DNAJC6: variants seen among roughly 807,000 people sequenced by gnomAD.
DNAJC6 encodes the protein auxilin.
DNAJC6 carries 34 observed loss-of-function variants against 110.0 expected under a neutral mutation model. The observed-to-expected ratio is 0.31, with a 90% CI of 0.24 to 0.41. The LOEUF is 0.41. Among genes scored for constraint, DNAJC6 ranks in the 10% least tolerant of loss-of-function variants. The probability of loss-of-function intolerance (pLI) is 1.00; values close to 1 mark genes in which losing one functional copy is unlikely to be tolerated. For synonymous variants in DNAJC6, 406 were observed against 437.2 expected, an observed-to-expected ratio of 0.93 and a Z score of 0.89; for missense variants, 1,031 against 1,207.8, an observed-to-expected ratio of 0.85 and a Z score of 2.17.
chr1:65,348,249 C>A (rs1301830967), intron 1 of DNAJC6, among the ~76,000 whole-genome samples: 3 of 152,120 alleles, frequency 2.0e-5, no homozygotes, highest in South Asian at 2.1e-4. Context: ...TTATTTTATG[C>A]CCCAGCATAT....
chr1:65,388,714 C>T (rs1054232800), intron 9 of DNAJC6, among the ~76,000 whole-genome samples: 1 of 152,138 alleles, frequency 6.6e-6, no homozygotes, highest in Admixed American at 6.5e-5. Context: ...TCTGTGTATC[C>T]CCTTGTGTTT....
chr1:65,323,600 C>G (rs1209920340), intron 1 of DNAJC6, among the ~76,000 whole-genome samples: 1 of 152,022 alleles, frequency 6.6e-6, no homozygotes, highest in Non-Finnish European at 1.5e-5. Context: ...CCTTTGTTTT[C>G]TTTTCTTTTT....
chr1:65,268,385 A>ATCAAC, intron 1 of DNAJC6, among the ~76,000 whole-genome samples: 1 of 152,256 alleles, frequency 6.6e-6, no homozygotes, highest in African/African-American at 2.4e-5. Context: ...AAAAGAAAAT[A>ATCAAC]GTTGAGTGAG....
intron 15 of DNAJC6, among the ~76,000 whole-genome samples, chr1:65,402,373 C>T (rs796739369): frequency 8.5e-5 from 13 of 152,280 alleles, no homozygotes; most frequent in African/African-American, 2.6e-4. Context: ...ACTCAAGTAT[C>T]GTATTTCCAG....
exon 1 of DNAJC6, chr1:65,264,917 G>T (rs369238276): frequency 6.2e-7 from 1 of 1,613,240 alleles, no homozygotes; most frequent in African/African-American, 1.3e-5. Flanking sequence ...GAGAATGAAA[G>T]ATTCTGAAAA....
At position 65,407,840 on chromosome 1, in the gene DNAJC6, A is replaced by G. The variant is rs551760175; in HGVS notation, c.2492-801A>G. On this transcript the variant is annotated intron_variant, in intron 16 of 18. Coordinates refer to ENST00000371069, the MANE Select transcript of DNAJC6 (RefSeq NM_001256864.2). ...GTATGTCTTACAGTATAGAGATAGC[A>G]AATGGTTTTCAACTCAAAAACTGAT... Among the ~76,000 whole-genome samples the G allele has an allele frequency of 2.0e-5, 3 of 152,362 alleles. No individual in the cohort carries two copies. In the South Asian group the frequency reaches 6.2e-4, roughly 32 times the overall value.
At chr1:65,389,796 AG>A (rs1645908521) in intron 11 of DNAJC6, among the ~76,000 whole-genome samples, 169 bp downstream of exon 11, 1 of 152,192 alleles carries the variant, frequency 6.6e-6, no homozygotes, top group Non-Finnish European at 1.5e-5. Context: ...CAGGATAGGA[AG>A]GCCAGGAGTT....
Position 65,385,958 on chromosome 1 carries a change from A to G in DNAJC6, c.995+52A>G, listed in dbSNP as rs556656052. ...TATGTACTTCTCAATTCTCATGTAA[A>G]TGAGCAGGAATGAGTTGAATCATAT... On this transcript the variant is annotated intron_variant, in intron 7 of 18. Coordinates refer to ENST00000371069, the MANE Select transcript of DNAJC6 (RefSeq NM_001256864.2). The G allele has an allele frequency of 2.8e-6, 4 of 1,427,956 alleles. No individual in the cohort carries two copies. In the African/African-American group the frequency reaches 4.2e-5, roughly 15 times the overall value. 88.5% of individuals were successfully genotyped at this position (1,427,956 alleles called of 1,614,324 possible). A position where few individuals can be genotyped will look rare whatever the true frequency, so the allele number is the denominator to read the frequency against.
chr1:65,372,935 A>G (rs6659883), intron 4 of DNAJC6, among the ~76,000 whole-genome samples: 100,969 of 152,078 alleles, frequency 0.66, 34,226 homozygotes, highest in African/African-American at 0.82. Context: ...AATTACATTT[A>G]TATTATTTTT....
chr1:65,392,347 T>C (rs1278607262), intron 11 of DNAJC6, 84 bp from the exon 12 acceptor site: 1 of 1,293,466 alleles, frequency 7.7e-7, no homozygotes, highest in Non-Finnish European at 1.0e-6. Flanking sequence ...TCTGTCTTTC[T>C]GGAATTATAT....
At position 65,379,811 on chromosome 1, in the gene DNAJC6, C is replaced by T. The variant is rs577967548; in HGVS notation, c.666+287C>T. 8.8e-5 allele frequency: 20 copies of T among 228,556 alleles called. No homozygotes were observed. The Admixed American group carries it at 1.1e-3, about 12-fold the overall frequency. 14.2% of individuals were successfully genotyped at this position (228,556 alleles called of 1,614,324 possible). A position where few individuals can be genotyped will look rare whatever the true frequency, so the allele number is the denominator to read the frequency against. On this transcript the variant is annotated intron_variant, in intron 5 of 18. Coordinates refer to ENST00000371069, the MANE Select transcript of DNAJC6 (RefSeq NM_001256864.2). The stretch of plus-strand genomic sequence containing the variant: ...GGTAGAAACAGGAGTAGTGTGTGCA[C>T]AGCTAAAAATGCCATTGACTTTTGT...
chr1:65,321,032 A>T (rs1295773330), intron 1 of DNAJC6, among the ~76,000 whole-genome samples: 1 of 152,150 alleles, frequency 6.6e-6, no homozygotes, highest in Non-Finnish European at 1.5e-5. Context: ...CTAGGAGGGC[A>T]TGGCCACAAA....
chr1:65,389,347 A>G lies in DNAJC6; in HGVS notation c.1285A>G (p.Ile429Val), dbSNP rs1311940473. Residue 429 changes from isoleucine to valine, a missense_variant, in exon 10 of 19, where the codon ATA becomes GTA. Ile to Val is a conservative substitution (Grantham distance 29). Coordinates refer to ENST00000371069, the MANE Select transcript of DNAJC6 (RefSeq NM_001256864.2). Reference sequence around the variant, plus strand: ...AGAACTACAGCCCCATGACAAAGTAATAGACTTAACTCCACCATGGGAACA... The same window carrying G: ...AGAACTACAGCCCCATGACAAAGTAGTAGACTTAACTCCACCATGGGAACA... ...DVELQPHDKV[I>V]DLTPPWEHYC... 1 of 1,614,192 alleles carries G rather than the reference A, an allele frequency of 6.2e-7. No individual in the cohort carries two copies. Among genetic ancestry groups the G allele is most frequent in the Admixed American group, 1.7e-5 (1 of 60,030 alleles).
At chr1:65,330,989 A>G (rs1373761319) in intron 1 of DNAJC6, among the ~76,000 whole-genome samples, 10 of 152,224 alleles carry the variant, frequency 6.6e-5, no homozygotes, top group Non-Finnish European at 2.9e-5. Context: ...TGTAAGTTGC[A>G]GTCTTAATTC....
intron 1 of DNAJC6, among the ~76,000 whole-genome samples, chr1:65,275,027 C>T (rs1653623797): frequency 6.6e-6 from 1 of 152,076 alleles, no homozygotes; most frequent in African/African-American, 2.4e-5. Flanking sequence ...CTATCTTCTC[C>T]CTCACCTCAC....
chr1:65,323,689 G>A (rs1335720968), intron 1 of DNAJC6, among the ~76,000 whole-genome samples: 110 of 151,778 alleles, frequency 7.2e-4, no homozygotes, highest in Non-Finnish European at 1.5e-4. Context: ...TTCACCTCCT[G>A]GGGTCAAGCA....
At chr1:65,365,817 A>T in intron 2 of DNAJC6, 68 bp from the exon 3 acceptor site, 1 of 1,556,734 alleles carries the variant, frequency 6.4e-7, no homozygotes. Context: ...TGCGCAAGTG[A>T]TTGAGAGAGA....
At position 65,380,911 on chromosome 1, in the gene DNAJC6, G is replaced by GTTTTTTTTTTT. The variant is rs1312055301; in HGVS notation, c.666+1391_666+1392insTTTTTTTTTTT. Among the ~76,000 whole-genome samples the GTTTTTTTTTTT allele has an allele frequency of 2.7e-4, 31 of 114,886 alleles. 1 individual carries two copies. The highest frequency in any genetic ancestry group is 1.2e-3 in the African/African-American group (29 of 23,286). 75.4% of individuals were successfully genotyped at this position (114,886 alleles called of 152,430 possible). Reference sequence around the variant, plus strand: ...GGGAGTTTTTTTTTTTTTGTTTTTTGTTTTGTTTTGTTTTTTTTTTTTTTT... The same window carrying GTTTTTTTTTTT: ...GGGAGTTTTTTTTTTTTTGTTTTTTGTTTTTTTTTTTTTTTGTTTTGTTTTTTTTTTTTTTT... On this transcript the variant is annotated intron_variant, in intron 5 of 18. Transcript: ENST00000371069.
intron 1 of DNAJC6, among the ~76,000 whole-genome samples, chr1:65,267,022 G>T (rs967441529): frequency 1.3e-5 from 2 of 151,568 alleles, no homozygotes; most frequent in Admixed American, 1.3e-4. Flanking sequence ...TCAGCCTCCC[G>T]AGTAGCTGGG....
Sources: allele counts gnomAD v4.1 joint callset (sites outside exome capture counted in the v4.1 genomes callset), GRCh38; gene constraint gnomAD v4.1.1; transcripts MANE v1.5; gene names NCBI Gene and HGNC (gene_info 2026-07-23, HGNC 2026-07-21).